The following TMEM53 variants were observed in gnomAD, a reference collection of about 807,000 sequenced individuals.
The protein encoded by TMEM53 is transmembrane protein 53, also known as novel DUF829 domain-containing protein.
In TMEM53, 14 loss-of-function variants were observed where a neutral mutation model predicts 21.4. The ratio of observed to expected loss-of-function variants is 0.65; its 90% CI spans 0.43 to 1.02. TMEM53 has a LOEUF of 1.02. Among genes scored for constraint, TMEM53 ranks in the 50% least tolerant of loss-of-function variants. The pLI is 0.00. For synonymous variants in TMEM53, 148 were observed against 157.4 expected (o/e 0.94, Z 0.45); for missense variants, 323 against 383.6 (o/e 0.84, Z 1.32).
At chr1:44,661,327 T>C (rs1268121399) in intron 1 of TMEM53, among the ~76,000 whole-genome samples, 1 of 151,646 alleles carries the variant, frequency 6.6e-6, no homozygotes, top group Non-Finnish European at 1.5e-5. Context: ...ATCTCCCGGG[T>C]TCAAGCAATT....
rs1645066734 is a variant in TMEM53, at chr1:44,674,475, G to A, written c.-84C>T. ...TGCCTCACCCGGGCGCCTCCTGGGC[G>A]CCGCCCAATCACCACACACCTCCCC... is the stretch of plus-strand genomic sequence containing the variant. On this transcript the variant is annotated 5_prime_UTR_variant, in exon 1 of 3. Coordinates refer to ENST00000372237, the MANE Select transcript of TMEM53 (RefSeq NM_024587.4). The A allele has an allele frequency of 5.7e-6, 8 of 1,411,374 alleles. No individual in the cohort carries two copies. The Admixed American group carries it at 6.9e-5, about 12-fold the overall frequency. 87.4% of individuals were successfully genotyped at this position (1,411,374 alleles called of 1,614,324 possible).
intron 2 of TMEM53, among the ~76,000 whole-genome samples, chr1:44,657,499 A>C (rs1457491693): frequency 2.6e-5 from 4 of 152,190 alleles, no homozygotes; most frequent in Non-Finnish European, 5.9e-5. Context: ...GTGTAAATAG[A>C]GGTCATCTCT....
chr1:44,660,963 ACT>A (rs768126427), intron 1 of TMEM53, among the ~76,000 whole-genome samples: 7 of 149,202 alleles, frequency 4.7e-5, no homozygotes, highest in Non-Finnish European at 7.4e-5. Flanking sequence ...ACAGAGTGAG[ACT>A]CTGTCTCAAA....
chr1:44,660,336 G>A (rs779067612), intron 1 of TMEM53, 41 bp from the exon 2 acceptor site: 6 of 1,578,980 alleles, frequency 3.8e-6, no homozygotes, highest in East Asian at 2.3e-5. Context: ...GAGCTGGGGT[G>A]GGGGCGGGGG....
Position 44,674,383 on chromosome 1 carries a change from C to T in TMEM53, c.9G>A (p.Ser3=). The change falls in exon 1 of 3, where the codon TCG becomes TCA. Residue 3 remains serine (S), a synonymous_variant. Transcript: ENST00000372237. MA[S]AELDYTIEIP... ...TCTCGATGGTGTAGTCCAGCTCTGC[C>T]GAGGCCATGGTGAAGGCGCCGGCCC... 4 of 1,611,784 alleles carry T rather than the reference C, an allele frequency of 2.5e-6. No homozygotes were observed. The highest frequency in any genetic ancestry group is 3.4e-6 in the Non-Finnish European group (4 of 1,178,800).
At chr1:44,659,279 C>G (rs1249377652) in intron 2 of TMEM53, among the ~76,000 whole-genome samples, 1 of 152,192 alleles carries the variant, frequency 6.6e-6, no homozygotes, top group Non-Finnish European at 1.5e-5. Flanking sequence ...AGGTGCCCCC[C>G]CACTGCTCAG....
intron 1 of TMEM53, among the ~76,000 whole-genome samples, chr1:44,663,172 G>A (rs1229453315): frequency 6.6e-6 from 1 of 152,214 alleles, no homozygotes; most frequent in African/African-American, 2.4e-5. Flanking sequence ...TTCTACCTCT[G>A]ACTTCTGAGT....
intron 1 of TMEM53, among the ~76,000 whole-genome samples, chr1:44,665,506 G>C (rs574355303): frequency 1.3e-5 from 2 of 151,950 alleles, no homozygotes; most frequent in Non-Finnish European, 2.9e-5. Context: ...CACGGTGGTG[G>C]GGGCCTGTAA....
intron 1 of TMEM53, among the ~76,000 whole-genome samples, chr1:44,665,706 TG>T (rs1311850481): frequency 6.7e-6 from 1 of 150,370 alleles, no homozygotes; most frequent in Admixed American, 6.6e-5. Flanking sequence ...CGTTAAATCA[TG>T]GAGAAATATT....
chr1:44,661,982 G>A (rs979323418), intron 1 of TMEM53, among the ~76,000 whole-genome samples: 13 of 152,194 alleles, frequency 8.5e-5, no homozygotes, highest in Admixed American at 7.2e-4. Context: ...CAAAAGGGCC[G>A]GCATGCACCC....
chr1:44,672,175 A>G (rs1284159851), intron 1 of TMEM53, among the ~76,000 whole-genome samples: 1 of 152,162 alleles, frequency 6.6e-6, no homozygotes, highest in African/African-American at 2.4e-5. Flanking sequence ...TGGAGCATGG[A>G]CTGTGAGAGG....
chr1:44,672,808 C>T (rs1384814731), intron 1 of TMEM53, among the ~76,000 whole-genome samples: 2 of 151,836 alleles, frequency 1.3e-5, no homozygotes, highest in Non-Finnish European at 2.9e-5. Flanking sequence ...GGGGGAACCA[C>T]AGGGGAGCAA....
At position 44,653,805 on chromosome 1, in the gene TMEM53, C is replaced by G. The variant is rs1219025110; in HGVS notation, c.*754G>C. On this transcript the variant is annotated 3_prime_UTR_variant, in exon 3 of 3. Coordinates refer to ENST00000372237, the MANE Select transcript of TMEM53 (RefSeq NM_024587.4). Reference sequence around the variant, plus strand: ...GGCATCTCCCCACAAAGGTCACCTTCCATTCAAGGAATCAAAACTCAACTC... The same window carrying G: ...GGCATCTCCCCACAAAGGTCACCTTGCATTCAAGGAATCAAAACTCAACTC... 6.6e-6 allele frequency: 1 copy of G among 152,264 alleles called. No homozygotes were observed. The highest frequency in any genetic ancestry group is 1.5e-5 in the Non-Finnish European group (1 of 68,062). 9.4% of individuals were successfully genotyped at this position (152,264 alleles called of 1,614,324 possible).
In TMEM53 at chr1:44,653,571, AGAGCCAGGC is replaced by A. The variant is rs1487413438; in HGVS notation, c.*979_*987del. ...CAGCGGCTTCCTAGCAAAGTGTGGT[AGAGCCAGGC>A]AGGCCCCTAACCTCAGCTCCTCATC... is the stretch of plus-strand genomic sequence containing the variant. On this transcript the variant is annotated 3_prime_UTR_variant, in exon 3 of 3. Coordinates refer to ENST00000372237, the MANE Select transcript of TMEM53 (RefSeq NM_024587.4). 6.6e-6 allele frequency: 1 copy of A among 152,248 alleles called. No individual in the cohort carries two copies. Among genetic ancestry groups the A allele is most frequent in the African/African-American group, 2.4e-5 (1 of 41,460 alleles). The allele number at this position is 152,248 out of a possible 1,614,324, so 9.4% of individuals were successfully genotyped here.
Position 44,655,170 on chromosome 1 carries a change from C to T in TMEM53, c.223G>A (p.Val75Ile), listed in dbSNP as rs950531237. 7 of 1,612,812 alleles carry T rather than the reference C, an allele frequency of 4.3e-6. No individual in the cohort carries two copies. The highest frequency in any genetic ancestry group is 4.0e-5 in the African/African-American group (3 of 74,892). ...ATACCCAGTGACTCGGAGAAGAAGA[C>T]CATGTGCCACGGGGCTGTGTATCGG... is the stretch of plus-strand genomic sequence containing the variant. ...VIRYTAPWHM[V>I]FFSESLGIPS... The change falls in exon 3 of 3, where the codon GTC becomes ATC. Residue 75 changes from valine to isoleucine, a missense_variant. Val to Ile is a conservative substitution (Grantham distance 29, BLOSUM62 3). This residue lies in a region of TMEM53 where 269 missense variants were observed against 334.5 expected (regional missense o/e 0.80). Transcript: ENST00000372237. This position sits in a 1 kb window ranked among gnomAD's most constrained non-coding sequence, Gnocchi z 4.4.
intron 2 of TMEM53, among the ~76,000 whole-genome samples, chr1:44,659,287 C>G (rs747002460): frequency 1.2e-4 from 19 of 152,204 alleles, no homozygotes; most frequent in Admixed American, 6.5e-4. Flanking sequence ...CCCCACTGCT[C>G]AGTCCAAGGC....
rs1028743445 is a variant in TMEM53 at position 44,655,530 on chromosome 1, A to C, written c.184-321T>G. 1.1e-4 allele frequency among the ~76,000 whole-genome samples: 17 copies of C among 152,278 alleles called. No individual in the cohort carries two copies. The highest frequency in any genetic ancestry group is 5.8e-4 in the East Asian group (3 of 5,174). On this transcript the variant is annotated intron_variant, in intron 2 of 2. Transcript: ENST00000372237. This position sits in a 1 kb window ranked among gnomAD's most constrained non-coding sequence, Gnocchi z 4.4. ...GGAGACACCTGGGCTGACCAGAGGA[A>C]GTCTCTTTACTCTGGTTCCCTCCTG...
intron 1 of TMEM53, among the ~76,000 whole-genome samples, chr1:44,668,259 G>C (rs1171663498): frequency 6.6e-6 from 1 of 152,006 alleles, no homozygotes; most frequent in Non-Finnish European, 1.5e-5. Flanking sequence ...TGGCTAACAG[G>C]TGAAACCCCG....
At chr1:44,666,186 T>C (rs1644947241) in intron 1 of TMEM53, among the ~76,000 whole-genome samples, 1 of 152,242 alleles carries the variant, frequency 6.6e-6, no homozygotes, top group Admixed American at 6.5e-5. Flanking sequence ...ATGAGGTATC[T>C]CTTTATACCC....
Sources: allele counts gnomAD v4.1 joint callset (sites outside exome capture counted in the v4.1 genomes callset), GRCh38; gene constraint gnomAD v4.1.1; regional missense constraint gnomAD v4.1.1; non-coding constraint Gnocchi (gnomAD v3.1); transcripts MANE v1.5; gene names NCBI Gene and HGNC (gene_info 2026-07-23, HGNC 2026-07-21).